Variants in ZFHX3 observed in about 807,000 individuals in gnomAD.
The protein encoded by ZFHX3 is zinc finger homeobox protein 3.
Under a neutral mutation model 279.1 loss-of-function variants are expected in ZFHX3, and 42 were observed. The observed-to-expected ratio is 0.15, with a 90% CI of 0.12 to 0.19. The LOEUF (loss-of-function observed/expected upper bound fraction) is 0.19. Among genes scored for constraint, ZFHX3 ranks in the 10% least tolerant of loss-of-function variants. The pLI, the probability that ZFHX3 is intolerant of heterozygous loss-of-function variation, is 1.00. For missense variants in ZFHX3, 4,981 were observed against 4,754.0 expected (o/e 1.05, Z -1.40); for synonymous variants, 2,293 against 1,957.8 (o/e 1.17, Z -4.52).
At chr16:73,148,803 C>G (rs1041304639) in intron 5 of ZFHX3, among the ~76,000 whole-genome samples, 8 of 151,176 alleles carry the variant, frequency 5.3e-5, no homozygotes, top group African/African-American at 1.9e-4. Context: ...AAAAATTAGT[C>G]AGGTGTGGTG....
At chr16:73,666,056 T>C (rs565514218) in intron 2 of ZFHX3, among the ~76,000 whole-genome samples, 1 of 151,894 alleles carries the variant, frequency 6.6e-6, no homozygotes, top group East Asian at 1.9e-4. Context: ...GACCTTGCGA[T>C]CCACCCACCT....
At chr16:73,606,644 C>T (rs973357713) in intron 2 of ZFHX3, among the ~76,000 whole-genome samples, 1 of 152,094 alleles carries the variant, frequency 6.6e-6, no homozygotes, top group Non-Finnish European at 1.5e-5. Context: ...CATAGGTAAA[C>T]GGTGGCTGTT....
chr16:73,219,912 C>A (rs187162618), intron 5 of ZFHX3, among the ~76,000 whole-genome samples: 1 of 152,138 alleles, frequency 6.6e-6, no homozygotes, highest in African/African-American at 2.4e-5. Flanking sequence ...ACGGTGAAAC[C>A]CCGTCTCTAC....
At chr16:73,890,641 C>A (rs2030503516) in intron 1 of ZFHX3, among the ~76,000 whole-genome samples, 1 of 152,124 alleles carries the variant, frequency 6.6e-6, no homozygotes, top group Non-Finnish European at 1.5e-5. Flanking sequence ...CAATGAAAAG[C>A]CTTGGTATCC....
intron 1 of ZFHX3, among the ~76,000 whole-genome samples, chr16:73,736,104 T>C (rs903110982): frequency 6.6e-6 from 1 of 152,094 alleles, no homozygotes; most frequent in African/African-American, 2.4e-5. Flanking sequence ...CAGCATGCCA[T>C]CTTTTCTTTC....
chr16:73,526,523 G>C (rs191400330), intron 2 of ZFHX3, among the ~76,000 whole-genome samples: 2 of 152,100 alleles, frequency 1.3e-5, no homozygotes, highest in African/African-American at 4.8e-5. Context: ...ACCAGGCCTC[G>C]TTTCATATTC....
chr16:72,824,245 CAT>C (rs1430409037), intron 5 of ZFHX3, among the ~76,000 whole-genome samples: 14 of 152,180 alleles, frequency 9.2e-5, no homozygotes, highest in Non-Finnish European at 1.6e-4. Flanking sequence ...CTGCCAGCAC[CAT>C]ATTCCATAAA....
In ZFHX3 at chr16:73,129,344, C is replaced by T. The variant is rs1381922625; in HGVS notation, c.-897+1624G>A. Among the ~76,000 whole-genome samples, 4 of 150,634 alleles carry T rather than the reference C, an allele frequency of 2.7e-5. No individual in the cohort carries two copies. The East Asian group carries it at 7.9e-4, about 30-fold the overall frequency. On this transcript the variant is annotated intron_variant, in intron 7 of 17. Transcript: ENST00000641206. The stretch of plus-strand genomic sequence containing the variant: ...TGGAGGTTGCAGTGAGCCAAAATTG[C>T]ACCACTGCACTCCAGCCTGGGTGGC...
chr16:73,247,595 T>A (rs1252351944), intron 5 of ZFHX3, among the ~76,000 whole-genome samples: 1 of 151,658 alleles, frequency 6.6e-6, no homozygotes, highest in Non-Finnish European at 1.5e-5. Flanking sequence ...GTGTATATGA[T>A]GTGTCTGTGT....
intron 2 of ZFHX3, among the ~76,000 whole-genome samples, chr16:73,478,780 C>T (rs996909781): frequency 1.3e-5 from 2 of 152,100 alleles, no homozygotes; most frequent in East Asian, 1.9e-4. Context: ...AAGCTGGGCG[C>T]GGTGGCTCCA....
At chr16:73,193,633 G>T (rs1968087521) in intron 5 of ZFHX3, among the ~76,000 whole-genome samples, 1 of 152,186 alleles carries the variant, frequency 6.6e-6, no homozygotes. Context: ...TGTTTTGAAA[G>T]GGGACAACCC....
intron 2 of ZFHX3, among the ~76,000 whole-genome samples, chr16:73,492,839 A>G (rs2019076814): frequency 6.6e-6 from 1 of 152,176 alleles, no homozygotes; most frequent in Non-Finnish European, 1.5e-5. Flanking sequence ...AACTGCTCCT[A>G]GCGGACTGTG....
At chr16:73,776,862 A>C (rs936123886) in intron 1 of ZFHX3, among the ~76,000 whole-genome samples, 8 of 152,164 alleles carry the variant, frequency 5.3e-5, no homozygotes, top group African/African-American at 1.9e-4. Context: ...CCAGCTGTCC[A>C]TATAAGCAAT....
intron 3 of ZFHX3, among the ~76,000 whole-genome samples, chr16:72,902,329 T>G (rs1050770774): frequency 1.3e-5 from 2 of 152,192 alleles, no homozygotes; most frequent in African/African-American, 4.8e-5. Context: ...AGTAAGACTC[T>G]TCCAAACACA....
At chr16:73,641,650 C>T (rs1044468636) in intron 2 of ZFHX3, among the ~76,000 whole-genome samples, 1 of 151,748 alleles carries the variant, frequency 6.6e-6, no homozygotes, top group Non-Finnish European at 1.5e-5. Flanking sequence ...AAATAGAAGC[C>T]CTTAGATGTA....
At chr16:73,288,429 G>A (rs976861461) in intron 4 of ZFHX3, among the ~76,000 whole-genome samples, 1 of 152,114 alleles carries the variant, frequency 6.6e-6, no homozygotes, top group African/African-American at 2.4e-5. Flanking sequence ...TTACAAAATG[G>A]AAGGGACGAG....
intron 1 of ZFHX3, among the ~76,000 whole-genome samples, chr16:73,021,477 T>C (rs1964294869): frequency 6.6e-6 from 1 of 152,138 alleles, no homozygotes; most frequent in African/African-American, 2.4e-5. Context: ...TATTTGGAAA[T>C]AGAGTCTTTG....
intron 2 of ZFHX3, among the ~76,000 whole-genome samples, chr16:73,502,140 A>T (rs2019250021): frequency 6.6e-6 from 1 of 152,134 alleles, no homozygotes; most frequent in Non-Finnish European, 1.5e-5. Context: ...ATGAAGAAAC[A>T]TGTTAGGCCA....
intron 5 of ZFHX3, chr16:73,143,848 A>C (rs1286745718): frequency 8.1e-7 from 1 of 1,236,858 alleles, no homozygotes; most frequent in Non-Finnish European, 1.1e-6. Flanking sequence ...AAGAAAAGAA[A>C]GGACAAAAAC....
Sources: gnomAD v4.1 joint callset for allele counts (sites outside exome capture counted in the v4.1 genomes callset) on GRCh38, gnomAD v4.1.1 for gene constraint, MANE v1.5 for transcripts, NCBI Gene and HGNC (gene_info 2026-07-23, HGNC 2026-07-21) for gene names.